GLRA3: variants seen among roughly 807,000 people sequenced by gnomAD.
GLRA3 encodes the protein glycine receptor subunit alpha-3.
GLRA3 carries 44 observed loss-of-function variants against 60.4 expected under a neutral mutation model. That is an observed-to-expected ratio of 0.73 (90% CI 0.57 to 0.94). The LOEUF (loss-of-function observed/expected upper bound fraction) is 0.94, where lower values mean the gene tolerates loss of function less well. Among genes scored for constraint, GLRA3 ranks in the 40% least tolerant of loss-of-function variants. GLRA3 has a pLI of 0.00. For missense variants in GLRA3, 508 were observed against 564.6 expected (o/e 0.90, Z 1.02); for synonymous variants, 223 against 192.9 (o/e 1.16, Z -1.29).
intron 3 of GLRA3, among the ~76,000 whole-genome samples, chr4:174,746,457 G>A (rs1270178330): frequency 1.3e-5 from 2 of 152,102 alleles, no homozygotes. Context: ...TCACTTCACG[G>A]ACATAGAGAA....
At chr4:174,668,396 TAAC>T (rs1248178222) in intron 7 of GLRA3, among the ~76,000 whole-genome samples, 1 of 152,190 alleles carries the variant, frequency 6.6e-6, no homozygotes, top group African/African-American at 2.4e-5. Flanking sequence ...TCATATTCCT[TAAC>T]AAGTACATTG....
intron 9 of GLRA3, among the ~76,000 whole-genome samples, chr4:174,647,678 A>G (rs994614293): frequency 5.9e-5 from 9 of 152,218 alleles, no homozygotes; most frequent in African/African-American, 7.2e-5. Context: ...TACATTAACT[A>G]CATTTAACAA....
At chr4:174,790,695 C>T (rs10021723) in intron 1 of GLRA3, among the ~76,000 whole-genome samples, 22,651 of 151,134 alleles carry the variant, frequency 0.15, 2,189 homozygotes, top group East Asian at 0.41. Context: ...AAATACTAGA[C>T]GATGGCCGGG....
intron 3 of GLRA3, among the ~76,000 whole-genome samples, chr4:174,750,444 C>T (rs1007158939): frequency 5.3e-5 from 8 of 151,958 alleles, no homozygotes; most frequent in East Asian, 1.9e-4. Flanking sequence ...GACATAGAAA[C>T]GGATTTAATA....
rs544088441 is a variant in GLRA3, at chr4:174,654,815, C to T, written c.1116+1928G>A. Among the ~76,000 whole-genome samples the T allele has an allele frequency of 1.5e-4, 23 of 152,156 alleles. No individual in the cohort carries two copies. In the South Asian group the frequency reaches 4.6e-3, roughly 30 times the overall value. ...CACACACAAGCACACACACACAGCA[C>T]TGGAGATAGCATCCATGACATGGTG... On this transcript the variant is annotated intron_variant, in intron 9 of 9. Coordinates refer to ENST00000274093, the MANE Select transcript of GLRA3 (RefSeq NM_006529.4).
intron 1 of GLRA3, among the ~76,000 whole-genome samples, chr4:174,828,422 A>G (rs1453836444): frequency 2.0e-5 from 3 of 152,348 alleles, no homozygotes; most frequent in Non-Finnish European, 2.9e-5. Flanking sequence ...CACCCAAATT[A>G]TATAATTCAC....
chr4:174,687,042 A>G (rs1465236819), intron 5 of GLRA3, among the ~76,000 whole-genome samples: 1 of 152,156 alleles, frequency 6.6e-6, no homozygotes. Context: ...AACCATAATA[A>G]GACATTTGCC....
chr4:174,714,281 T>A (rs550862636), intron 5 of GLRA3, among the ~76,000 whole-genome samples: 1 of 152,280 alleles, frequency 6.6e-6, no homozygotes, highest in African/African-American at 2.4e-5. Flanking sequence ...GTACTTAATT[T>A]TTCAACCAAG....
Position 174,684,138 on chromosome 4 carries a change from C to T in GLRA3, c.575-1199G>A, listed in dbSNP as rs114121448. 6.8e-3 allele frequency among the ~76,000 whole-genome samples: 1,026 copies of T among 151,172 alleles called. 13 individuals are homozygous for T. Among genetic ancestry groups the T allele is most frequent in the African/African-American group, 0.024 (987 of 41,096 alleles). On this transcript the variant is annotated intron_variant, in intron 5 of 9. Coordinates refer to ENST00000274093, the MANE Select transcript of GLRA3 (RefSeq NM_006529.4). ...GCAAATGAAAGCTTATTATAGAACT[C>T]ATGTATTTTCTTTTCTCTTTGGAAC...
chr4:174,678,735 C>CA (rs1334185603), intron 6 of GLRA3, among the ~76,000 whole-genome samples: 1 of 152,020 alleles, frequency 6.6e-6, no homozygotes, highest in Non-Finnish European at 1.5e-5. Flanking sequence ...CAAATATATA[C>CA]AAAATGCCTA....
intron 3 of GLRA3, among the ~76,000 whole-genome samples, chr4:174,737,661 A>C (rs1736857900): frequency 6.6e-6 from 1 of 152,008 alleles, no homozygotes; most frequent in African/African-American, 2.4e-5. Context: ...ATAGGTGCCC[A>C]CCACCATGTC....
rs1268259238 is a variant in GLRA3, at chr4:174,701,619, T to G, written c.574+13869A>C. 2.0e-5 allele frequency among the ~76,000 whole-genome samples: 3 copies of G among 152,324 alleles called. No homozygotes were observed. In the South Asian group the frequency reaches 6.2e-4, roughly 32 times the overall value. On this transcript the variant is annotated intron_variant, in intron 5 of 9. Transcript: ENST00000274093. Reference sequence around the variant, plus strand: ...TCTTATGGATCTGGGCAAAGTAAACTGAAAACCTACATGTAACAATTCACT... The same window carrying G: ...TCTTATGGATCTGGGCAAAGTAAACGGAAAACCTACATGTAACAATTCACT...
At chr4:174,798,662 T>C (rs11933402) in intron 1 of GLRA3, among the ~76,000 whole-genome samples, 7,466 of 152,288 alleles carry the variant, frequency 0.049, 277 homozygotes, top group African/African-American at 0.1. Flanking sequence ...CGGTGGCTCA[T>C]GCCTGTAATC....
At chr4:174,726,680 C>G (rs1449981457) in intron 4 of GLRA3, among the ~76,000 whole-genome samples, 4 of 152,162 alleles carry the variant, frequency 2.6e-5, no homozygotes, top group Non-Finnish European at 5.9e-5. Flanking sequence ...CCAAGGTACA[C>G]AGCCAGCCTG....
chr4:174,751,999 A>G (rs1737508106), intron 3 of GLRA3, among the ~76,000 whole-genome samples: 1 of 152,108 alleles, frequency 6.6e-6, no homozygotes, highest in African/African-American at 2.4e-5. Flanking sequence ...CTAAACAGAA[A>G]AGGGATGCAA....
At chr4:174,811,705 CAAAT>C (rs1415874927) in intron 1 of GLRA3, among the ~76,000 whole-genome samples, 5 of 152,238 alleles carry the variant, frequency 3.3e-5, no homozygotes, top group Non-Finnish European at 4.4e-5. Flanking sequence ...ATTAGAAAAA[CAAAT>C]AACACAACTA....
chr4:174,761,711 T>C (rs1489365280), intron 3 of GLRA3, among the ~76,000 whole-genome samples: 1 of 152,178 alleles, frequency 6.6e-6, no homozygotes, highest in East Asian at 1.9e-4. Flanking sequence ...TGTACTACTG[T>C]ATATACATGC....
chr4:174,757,470 A>G (rs970795819), intron 3 of GLRA3, among the ~76,000 whole-genome samples: 1 of 152,190 alleles, frequency 6.6e-6, no homozygotes, highest in African/African-American at 2.4e-5. Flanking sequence ...ATGAGTCTGG[A>G]ACATCTTATA....
intron 7 of GLRA3, among the ~76,000 whole-genome samples, chr4:174,668,264 A>C (rs1158774295): frequency 1.3e-5 from 2 of 152,194 alleles, no homozygotes; most frequent in African/African-American, 4.8e-5. Flanking sequence ...AGCAATGTGA[A>C]AAATGGACTA....
Sources: allele counts gnomAD v4.1 joint callset (sites outside exome capture counted in the v4.1 genomes callset), GRCh38; gene constraint gnomAD v4.1.1; transcripts MANE v1.5; gene names NCBI Gene and HGNC (gene_info 2026-07-23, HGNC 2026-07-21).